The following ANKIB1 variants were observed in gnomAD, a reference collection of about 807,000 sequenced individuals.
ANKIB1 encodes the protein ankyrin repeat and IBR domain-containing protein 1.
In ANKIB1, 43 loss-of-function variants were observed where a neutral mutation model predicts 122.1. That is an observed-to-expected ratio of 0.35 (90% CI 0.28 to 0.45). The LOEUF (loss-of-function observed/expected upper bound fraction) is 0.45. Ranked by LOEUF, ANKIB1 falls within the 20% of genes least tolerant of loss-of-function variation. The pLI is 1.00. For synonymous variants in ANKIB1, 390 were observed against 442.0 expected, an observed-to-expected ratio of 0.88 and a Z score of 1.48; for missense variants, 992 against 1,329.5, an observed-to-expected ratio of 0.75 and a Z score of 3.95.
At chr7:92,378,211 G>A (rs1804429107) in intron 11 of ANKIB1, among the ~76,000 whole-genome samples, 1 of 152,132 alleles carries the variant, frequency 6.6e-6, no homozygotes, top group African/African-American at 2.4e-5. Flanking sequence ...CTTGGAACTG[G>A]AAGTGTTAAG....
chr7:92,314,315 AAG>A (rs904557345), intron 3 of ANKIB1, among the ~76,000 whole-genome samples: 4 of 152,140 alleles, frequency 2.6e-5, no homozygotes, highest in African/African-American at 7.2e-5. Flanking sequence ...AAAAAAGAAA[AAG>A]AATTTTTAAT....
rs1804978148 is a variant in ANKIB1, at chr7:92,399,707, C to G, written c.*758C>G. Reference sequence around the variant, plus strand: ...AAATGGGTTTTTGTTGCCATGGAGACTGCATTTATATAAATGTAGCCTGTA... The same window carrying G: ...AAATGGGTTTTTGTTGCCATGGAGAGTGCATTTATATAAATGTAGCCTGTA... On this transcript the variant is annotated 3_prime_UTR_variant, in exon 20 of 20. Coordinates refer to ENST00000265742, the MANE Select transcript of ANKIB1 (RefSeq NM_019004.2). 1 of 152,142 alleles carries G rather than the reference C, an allele frequency of 6.6e-6. No individual in the cohort carries two copies. Among genetic ancestry groups the G allele is most frequent in the Admixed American group, 6.6e-5 (1 of 15,264 alleles). The allele number at this position is 152,142 out of a possible 1,614,324, so 9.4% of individuals were successfully genotyped here.
intron 1 of ANKIB1, among the ~76,000 whole-genome samples, chr7:92,267,182 G>A (rs1281307028): frequency 6.6e-6 from 1 of 152,048 alleles, no homozygotes; most frequent in East Asian, 1.9e-4. Context: ...GCTACGTGTG[G>A]GATATTTGTG....
At chr7:92,283,358 C>T (rs1802049590) in intron 1 of ANKIB1, among the ~76,000 whole-genome samples, 1 of 152,144 alleles carries the variant, frequency 6.6e-6, no homozygotes, top group Admixed American at 6.5e-5. Context: ...GGAAGTTTTC[C>T]TGCAAACTGG....
chr7:92,319,170 G>A (rs1231645129), intron 3 of ANKIB1, among the ~76,000 whole-genome samples, 160 bp from the exon 4 acceptor site: 1 of 151,386 alleles, frequency 6.6e-6, no homozygotes, highest in Non-Finnish European at 1.5e-5. Flanking sequence ...GAAGCCACTG[G>A]TATCTAAATA....
At chr7:92,293,208 G>A (rs914315911) in intron 1 of ANKIB1, among the ~76,000 whole-genome samples, 4 of 152,142 alleles carry the variant, frequency 2.6e-5, no homozygotes, top group African/African-American at 9.7e-5. Context: ...GCTTCCCCTA[G>A]AGACTCTGAT....
Position 92,253,763 on chromosome 7 carries a change from GAC to G in ANKIB1, c.-91+7252_-91+7253del, listed in dbSNP as rs376752524. 1.3e-3 allele frequency among the ~76,000 whole-genome samples: 202 copies of G among 151,690 alleles called. 1 individual carries two copies. The East Asian group carries it at 0.022, about 17-fold the overall frequency. ...GCATGTGAGTATGTGTGTACATTCA[GAC>G]ACACACATACACACACCTGTACCTG... is the stretch of plus-strand genomic sequence containing the variant. On this transcript the variant is annotated intron_variant, in intron 1 of 19. Transcript: ENST00000265742.
intron 5 of ANKIB1, among the ~76,000 whole-genome samples, chr7:92,331,857 C>G (rs773198461): frequency 3.9e-5 from 6 of 152,188 alleles, no homozygotes; most frequent in East Asian, 3.8e-4. Context: ...CCAAAAGTCT[C>G]TACATTCAGC....
intron 2 of ANKIB1, among the ~76,000 whole-genome samples, chr7:92,298,259 AT>A (rs1167187820): frequency 1.3e-5 from 2 of 152,076 alleles, no homozygotes; most frequent in Non-Finnish European, 2.9e-5. Flanking sequence ...TAAGTTGAAC[AT>A]TTTAAGTGAA....
intron 1 of ANKIB1, among the ~76,000 whole-genome samples, chr7:92,288,044 A>G (rs1802171968): frequency 6.6e-6 from 1 of 151,570 alleles, no homozygotes; most frequent in African/African-American, 2.4e-5. Context: ...TCAAAAAAAA[A>G]AAAAAAAAAA....
chr7:92,341,761 C>G (rs892735978), intron 5 of ANKIB1, among the ~76,000 whole-genome samples: 4 of 152,060 alleles, frequency 2.6e-5, no homozygotes, highest in Admixed American at 6.5e-5. Context: ...AATTTTTTGA[C>G]TTATAATGGT....
chr7:92,323,990 T>C (rs1383085933), intron 4 of ANKIB1, among the ~76,000 whole-genome samples: 3 of 152,232 alleles, frequency 2.0e-5, no homozygotes, highest in Non-Finnish European at 4.4e-5. Context: ...CAGGAGCTGC[T>C]GGCTTCCTGT....
At chr7:92,319,542 A>T in intron 4 of ANKIB1, 30 bp downstream of exon 4, 2 of 1,572,014 alleles carry the variant, frequency 1.3e-6, no homozygotes, top group Non-Finnish European at 1.7e-6. Flanking sequence ...TCAGTAAAAA[A>T]ATTACATGTA....
In ANKIB1 at chr7:92,310,906, A is replaced by C. The variant is rs555577241; in HGVS notation, c.486+3250A>C. ...AAACCACAGATAGAGAAGGCTGACT[A>C]TACATTAAAATATGTGACCTGTTTA... On this transcript the variant is annotated intron_variant, in intron 3 of 19. Coordinates refer to ENST00000265742, the MANE Select transcript of ANKIB1 (RefSeq NM_019004.2). Among the ~76,000 whole-genome samples the C allele has an allele frequency of 2.0e-5, 3 of 152,324 alleles. No individual in the cohort carries two copies. In the East Asian group the frequency reaches 5.8e-4, roughly 29 times the overall value.
chr7:92,299,818 T>C (rs1398221335), intron 2 of ANKIB1, among the ~76,000 whole-genome samples: 1 of 152,192 alleles, frequency 6.6e-6, no homozygotes, highest in Non-Finnish European at 1.5e-5. Context: ...ATTTTGTTTT[T>C]TTTTCTGAGA....
intron 3 of ANKIB1, among the ~76,000 whole-genome samples, chr7:92,317,549 G>T (rs762160661): frequency 6.6e-6 from 1 of 152,136 alleles, no homozygotes; most frequent in Admixed American, 6.6e-5. Context: ...GTGGCCATAG[G>T]TCTATATTTC....
rs182762256 is a variant in ANKIB1, at chr7:92,340,421, T to G, written c.788-2603T>G. The stretch of plus-strand genomic sequence containing the variant: ...AATAGTAAATCCAATTTACAGTATT[T>G]GGGAATATAATTTATGTAAAGATGA... On this transcript the variant is annotated intron_variant, in intron 5 of 19. Coordinates refer to ENST00000265742, the MANE Select transcript of ANKIB1 (RefSeq NM_019004.2). Among the ~76,000 whole-genome samples, 32 of 152,322 alleles carry G rather than the reference T, an allele frequency of 2.1e-4. No homozygotes were observed. The East Asian group carries it at 6.0e-3, about 28-fold the overall frequency.
intron 1 of ANKIB1, among the ~76,000 whole-genome samples, chr7:92,286,174 C>CA (rs1444523436): frequency 6.6e-6 from 1 of 152,176 alleles, no homozygotes; most frequent in Non-Finnish European, 1.5e-5. Flanking sequence ...TGATTACCAG[C>CA]ATGTGTACCT....
At chr7:92,362,381 A>C in intron 10 of ANKIB1, 108 bp downstream of exon 10, 1 of 964,232 alleles carries the variant, frequency 1.0e-6, no homozygotes, top group Non-Finnish European at 1.6e-6. Flanking sequence ...AGATTTGTTA[A>C]TGCAAGTGCT....
Sources: allele counts gnomAD v4.1 joint callset (sites outside exome capture counted in the v4.1 genomes callset), GRCh38; gene constraint gnomAD v4.1.1; transcripts MANE v1.5; gene names NCBI Gene and HGNC (gene_info 2026-07-23, HGNC 2026-07-21).